The following AGBL4 variants were observed in gnomAD, a reference collection of about 807,000 sequenced individuals.
AGBL4 encodes the protein AGBL carboxypeptidase 4.
A neutral mutation model predicts 66.4 loss-of-function variants in AGBL4; 58 were observed. That is an observed-to-expected ratio of 0.87 (90% CI 0.71 to 1.09). AGBL4 has a LOEUF of 1.09. Ranked by LOEUF, AGBL4 falls within the 50% of genes least tolerant of loss-of-function variation. AGBL4 has a pLI of 0.00. For synonymous variants in AGBL4, 234 were observed against 222.9 expected (o/e 1.05, Z -0.44); for missense variants, 579 against 631.0 (o/e 0.92, Z 0.88).
At chr1:49,050,768 C>T (rs756175987) in intron 4 of AGBL4, among the ~76,000 whole-genome samples, 1 of 152,084 alleles carries the variant, frequency 6.6e-6, no homozygotes, top group African/African-American at 2.4e-5. Flanking sequence ...GAATTAACTG[C>T]TCTAAATACT....
intron 4 of AGBL4, among the ~76,000 whole-genome samples, chr1:49,101,985 C>T (rs1179838691): frequency 5.3e-5 from 8 of 151,948 alleles, no homozygotes; most frequent in African/African-American, 1.9e-4. Context: ...AAATATGACA[C>T]CAGAAAGGAC....
chr1:49,284,964 C>A (rs531059520), intron 3 of AGBL4, among the ~76,000 whole-genome samples: 3 of 150,212 alleles, frequency 2.0e-5, no homozygotes, highest in Non-Finnish European at 3.0e-5. Flanking sequence ...GACAGATCAA[C>A]GAGACAGAAA....
intron 1 of AGBL4, among the ~76,000 whole-genome samples, chr1:49,940,467 A>G (rs1256118154): frequency 6.6e-6 from 1 of 152,190 alleles, no homozygotes; most frequent in Non-Finnish European, 1.5e-5. Context: ...TCCATCAATG[A>G]TAGACTGGAT....
At chr1:48,873,917 G>T (rs1033915551) in intron 5 of AGBL4, among the ~76,000 whole-genome samples, 1 of 152,058 alleles carries the variant, frequency 6.6e-6, no homozygotes, top group African/African-American at 2.4e-5. Flanking sequence ...GAATGAGAAG[G>T]GACGTGTTGT....
At chr1:49,452,394 G>C (rs1646297054) in intron 3 of AGBL4, among the ~76,000 whole-genome samples, 1 of 151,730 alleles carries the variant, frequency 6.6e-6, no homozygotes, top group African/African-American at 2.4e-5. Context: ...ATCACTTAGT[G>C]GGTCAAGGTC....
intron 4 of AGBL4, among the ~76,000 whole-genome samples, chr1:49,157,852 A>C (rs983508302): frequency 6.6e-6 from 1 of 151,904 alleles, no homozygotes; most frequent in Non-Finnish European, 1.5e-5. Flanking sequence ...TTTTTTTCAT[A>C]TATTTCTTAG....
intron 5 of AGBL4, among the ~76,000 whole-genome samples, chr1:48,984,620 A>G (rs1025101953): frequency 4.0e-5 from 6 of 150,860 alleles, no homozygotes; most frequent in African/African-American, 1.5e-4. Flanking sequence ...AAAAACCCCA[A>G]TACTGTTTAA....
chr1:49,609,037 C>G (rs1374796344), intron 3 of AGBL4, among the ~76,000 whole-genome samples: 1 of 152,154 alleles, frequency 6.6e-6, no homozygotes, highest in African/African-American at 2.4e-5. Context: ...GAACCCAGAC[C>G]TGGCTGCCAT....
chr1:49,583,434 G>A (rs914944876), intron 3 of AGBL4, among the ~76,000 whole-genome samples: 5 of 152,106 alleles, frequency 3.3e-5, no homozygotes, highest in African/African-American at 1.2e-4. Flanking sequence ...AGTTACATGG[G>A]TGATCACAGA....
intron 3 of AGBL4, among the ~76,000 whole-genome samples, chr1:49,510,170 A>G (rs1281740992): frequency 2.0e-5 from 3 of 152,040 alleles, no homozygotes; most frequent in African/African-American, 7.2e-5. Context: ...TGACTTCCAC[A>G]ATGGTTGAAC....
chr1:48,536,740 CT>C (rs1643977814), intron 12 of AGBL4, among the ~76,000 whole-genome samples: 2 of 152,364 alleles, frequency 1.3e-5, no homozygotes, highest in South Asian at 4.1e-4. Flanking sequence ...CACACTCATG[CT>C]CTGTTTACCT....
intron 3 of AGBL4, among the ~76,000 whole-genome samples, chr1:49,378,984 C>T (rs1016724472): frequency 6.6e-6 from 1 of 152,020 alleles, no homozygotes; most frequent in Non-Finnish European, 1.5e-5. Context: ...GTGGCCACCA[C>T]CACTCTATAC....
intron 1 of AGBL4, among the ~76,000 whole-genome samples, chr1:49,937,122 T>C (rs1266228370): frequency 6.6e-6 from 1 of 151,696 alleles, no homozygotes; most frequent in Non-Finnish European, 1.5e-5. Flanking sequence ...ACACATAGGC[T>C]CAAAATAAAA....
chr1:48,937,017 A>C (rs1655536385), intron 5 of AGBL4, among the ~76,000 whole-genome samples: 1 of 152,222 alleles, frequency 6.6e-6, no homozygotes, highest in South Asian at 2.1e-4. Context: ...AAGGGGCCTC[A>C]GCAAACATAT....
At position 48,909,556 on chromosome 1, in the gene AGBL4, A is replaced by G. The variant is rs1323007042; in HGVS notation, c.595-42326T>C. On this transcript the variant is annotated intron_variant, in intron 5 of 13. Coordinates refer to ENST00000371839, the MANE Select transcript of AGBL4 (RefSeq NM_032785.4). Reference sequence around the variant, plus strand: ...AGACACACCATTGTTGAAGACTGCAATTAGAGTGAATTTGGAGCAAGCCCA... The same window carrying G: ...AGACACACCATTGTTGAAGACTGCAGTTAGAGTGAATTTGGAGCAAGCCCA... Among the ~76,000 whole-genome samples the G allele has an allele frequency of 3.9e-5, 6 of 152,206 alleles. No individual in the cohort carries two copies. The East Asian group carries it at 1.2e-3, about 29-fold the overall frequency.
intron 1 of AGBL4, among the ~76,000 whole-genome samples, chr1:49,970,569 G>A (rs1430641180): frequency 6.6e-6 from 1 of 151,786 alleles, no homozygotes; most frequent in South Asian, 2.1e-4. Flanking sequence ...GGTGGTGCAT[G>A]CCTGTAATCC....
intron 3 of AGBL4, among the ~76,000 whole-genome samples, chr1:49,667,245 G>A (rs1646389073): frequency 6.6e-6 from 1 of 152,060 alleles, no homozygotes; most frequent in Non-Finnish European, 1.5e-5. Context: ...GATCACTTGA[G>A]CCCAGGAGTT....
chr1:48,820,131 AG>A (rs1363413883), intron 6 of AGBL4, among the ~76,000 whole-genome samples: 1 of 152,226 alleles, frequency 6.6e-6, no homozygotes, highest in Non-Finnish European at 1.5e-5. Flanking sequence ...AACAAGGATA[AG>A]GTCTTTTCTC....
intron 5 of AGBL4, among the ~76,000 whole-genome samples, chr1:48,895,687 A>G (rs1192751797): frequency 6.6e-6 from 1 of 152,152 alleles, no homozygotes; most frequent in Non-Finnish European, 1.5e-5. Flanking sequence ...CCCTTCATCT[A>G]GCTCAGATGG....
Sources: gnomAD v4.1 joint callset for allele counts (sites outside exome capture counted in the v4.1 genomes callset) on GRCh38, gnomAD v4.1.1 for gene constraint, MANE v1.5 for transcripts, NCBI Gene and HGNC (gene_info 2026-07-23, HGNC 2026-07-21) for gene names.